Variants in PCDH11X observed in about 807,000 individuals in gnomAD.
The protein encoded by PCDH11X is protocadherin-11 X-linked.
PCDH11X carries 18 observed loss-of-function variants against 53.3 expected under a neutral mutation model. The observed-to-expected ratio is 0.34, with a 90% CI of 0.23 to 0.50. PCDH11X has a LOEUF of 0.50. PCDH11X is among the 20% of genes least tolerant of loss of function. PCDH11X has a pLI of 0.98. For missense variants in PCDH11X, 570 were observed against 1,032.4 expected (o/e 0.55, Z 6.14); for synonymous variants, 279 against 393.3 (o/e 0.71, Z 3.44).
At chrX:92,174,980 A>T (rs753096976) in intron 6 of PCDH11X, among the ~76,000 whole-genome samples, 19 of 105,717 alleles carry the variant, frequency 1.8e-4, no homozygotes, top group African/African-American at 6.1e-4. Flanking sequence ...ATAATTTACA[A>T]TTTTTTTTTT....
intron 8 of PCDH11X, among the ~76,000 whole-genome samples, chrX:92,270,595 G>A (rs896632581): frequency 1.5e-4 from 17 of 111,914 alleles, no homozygotes; most frequent in African/African-American, 4.9e-4. Flanking sequence ...CTCCAAAGAT[G>A]ATTTTGAAGG....
At chrX:91,783,297 C>T (rs1935223624) in intron 1 of PCDH11X, among the ~76,000 whole-genome samples, 1 of 110,962 alleles carries the variant, frequency 9.0e-6, no homozygotes, top group South Asian at 3.9e-4. Flanking sequence ...CAGTCATTTG[C>T]TAAGGGTTGA....
At chrX:92,139,628 GT>G (rs1184041122) in intron 6 of PCDH11X, among the ~76,000 whole-genome samples, 1 of 110,646 alleles carries the variant, frequency 9.0e-6, no homozygotes, top group Non-Finnish European at 1.9e-5. Context: ...AAAATCTGTA[GT>G]TTTTCTTTAT....
At chrX:91,982,816 C>A (rs1178932026) in intron 6 of PCDH11X, 6 of 800,441 alleles carry the variant, frequency 7.5e-6, no homozygotes, top group Non-Finnish European at 1.1e-5. Context: ...AAGCAGGCTT[C>A]AGGGTCAATC....
chrX:92,219,239 A>T (rs1273459050), intron 7 of PCDH11X, among the ~76,000 whole-genome samples: 1 of 110,884 alleles, frequency 9.0e-6, no homozygotes, highest in Non-Finnish European at 1.9e-5. Context: ...TTCAATTAGG[A>T]AAAGAGGAAG....
At chrX:91,790,879 G>A (rs568913689) in intron 1 of PCDH11X, among the ~76,000 whole-genome samples, 62 of 108,614 alleles carry the variant, frequency 5.7e-4, no homozygotes, top group South Asian at 4.1e-3. Context: ...TAGGAGACAC[G>A]GTATAGTTCT....
chrX:92,042,271 C>T (rs1291533177), intron 6 of PCDH11X, among the ~76,000 whole-genome samples: 1 of 109,535 alleles, frequency 9.1e-6, no homozygotes, highest in Non-Finnish European at 1.9e-5. Flanking sequence ...CTTCGGTGAA[C>T]AATCAGAAAT....
intron 4 of PCDH11X, among the ~76,000 whole-genome samples, chrX:91,822,641 T>C (rs1404181426): frequency 2.1e-5 from 2 of 96,177 alleles, no homozygotes; most frequent in Non-Finnish European, 4.4e-5. Flanking sequence ...GATTCATTAA[T>C]TTTTTGAAGG....
At chrX:92,428,264 G>T (rs2072171559) in intron 9 of PCDH11X, among the ~76,000 whole-genome samples, 1 of 111,254 alleles carries the variant, frequency 9.0e-6, no homozygotes, top group Non-Finnish European at 1.9e-5. Context: ...TGTAGCAGTT[G>T]ATTGCTTTGT....
At chrX:91,870,725 A>AAG (rs1005382954) in intron 5 of PCDH11X, among the ~76,000 whole-genome samples, 3 of 110,698 alleles carry the variant, frequency 2.7e-5, no homozygotes, top group African/African-American at 9.8e-5. Flanking sequence ...ATTTCTTCCT[A>AAG]AGAGACATAG....
At chrX:92,558,073 A>G (rs1217154211) in intron 10 of PCDH11X, among the ~76,000 whole-genome samples, 1 of 111,298 alleles carries the variant, frequency 9.0e-6, no homozygotes, top group Admixed American at 9.6e-5. Flanking sequence ...TGATTCAATT[A>G]TCTCCCGCTG....
chrX:91,816,181 T>A (rs926553725), intron 4 of PCDH11X, among the ~76,000 whole-genome samples: 8 of 111,529 alleles, frequency 7.2e-5, no homozygotes, highest in African/African-American at 2.6e-4. Context: ...TAAGTTTGTT[T>A]TATGTATAAT....
intron 8 of PCDH11X, among the ~76,000 whole-genome samples, chrX:92,386,432 C>A (rs2148571699): frequency 9.1e-6 from 1 of 109,432 alleles, no homozygotes; most frequent in South Asian, 3.9e-4. Flanking sequence ...TAGTTTAGTG[C>A]TTTGGTTGAT....
At chrX:91,808,747 A>G (rs1359132467) in intron 1 of PCDH11X, among the ~76,000 whole-genome samples, 2 of 110,129 alleles carry the variant, frequency 1.8e-5, no homozygotes, top group African/African-American at 6.7e-5. Flanking sequence ...AAATAATTGT[A>G]TACAGAAAGT....
chrX:92,559,491 T>C (rs1345130982), intron 10 of PCDH11X, among the ~76,000 whole-genome samples: 1 of 109,404 alleles, frequency 9.1e-6, no homozygotes, highest in African/African-American at 3.3e-5. Context: ...AGAACCAAAA[T>C]TTAAGTGAGC....
rs749101806 is a variant in PCDH11X, at chrX:92,354,912, C to T, written c.3145-32823C>T. 6.3e-5 allele frequency among the ~76,000 whole-genome samples: 7 copies of T among 110,530 alleles called. No individual in the cohort carries two copies. In the South Asian group the frequency reaches 2.7e-3, roughly 43 times the overall value. On this transcript the variant is annotated intron_variant, in intron 8 of 10. Coordinates refer to ENST00000682573, the MANE Select transcript of PCDH11X (RefSeq NM_032968.5). ...ATAATGGCAGTGAACTCGTGTGGCTCATAGCATAGCACAGAAGATAAATCT... is the reference window on the plus strand; with the variant it reads ...ATAATGGCAGTGAACTCGTGTGGCTTATAGCATAGCACAGAAGATAAATCT...
intron 10 of PCDH11X, among the ~76,000 whole-genome samples, chrX:92,538,796 G>C (rs1350897128): frequency 9.6e-6 from 1 of 103,773 alleles, no homozygotes; most frequent in African/African-American, 3.5e-5. Context: ...TTCTACTTAA[G>C]AGTAGTTTAC....
chrX:92,115,949 A>C (rs942895495), intron 6 of PCDH11X, among the ~76,000 whole-genome samples: 7 of 108,919 alleles, frequency 6.4e-5, no homozygotes, highest in Non-Finnish European at 1.1e-4. Context: ...ATTGACACTT[A>C]ATATTAACCA....
chrX:91,923,579 C>T (rs1485578204), intron 6 of PCDH11X, among the ~76,000 whole-genome samples: 2 of 107,854 alleles, frequency 1.9e-5, no homozygotes, highest in East Asian at 3.0e-4. Flanking sequence ...GCTGCATTGT[C>T]GGCTTCCCTA....
Sources: allele counts gnomAD v4.1 joint callset (sites outside exome capture counted in the v4.1 genomes callset), GRCh38; gene constraint gnomAD v4.1.1; transcripts MANE v1.5; gene names NCBI Gene and HGNC (gene_info 2026-07-23, HGNC 2026-07-21).